The following GBF1 variants were observed in gnomAD, a reference collection of about 807,000 sequenced individuals.
GBF1 encodes Golgi-specific brefeldin A-resistance guanine nucleotide exchange factor 1.
A neutral mutation model predicts 210.5 loss-of-function variants in GBF1; 114 were observed. The ratio of observed to expected loss-of-function variants is 0.54; its 90% confidence interval spans 0.47 to 0.63. The LOEUF is 0.63. GBF1 is among the 30% of genes least tolerant of loss of function. The pLI is 0.00. For missense variants in GBF1, 1,851 were observed against 2,357.7 expected (o/e 0.79, Z 4.45); for synonymous variants, 850 against 889.2 (o/e 0.96, Z 0.78).
At chr10:102,325,563 A>G (rs886621078) in intron 3 of GBF1, among the ~76,000 whole-genome samples, 60 of 151,710 alleles carry the variant, frequency 4.0e-4, no homozygotes, top group African/African-American at 1.1e-3. Context: ...AAAAAAAAAA[A>G]AAAGAAAGAA....
intron 29 of GBF1, among the ~76,000 whole-genome samples, chr10:102,372,173 T>C (rs2060247969): frequency 6.7e-6 from 1 of 149,472 alleles, no homozygotes; most frequent in Non-Finnish European, 1.5e-5. Flanking sequence ...ATTGCGCCAC[T>C]GCACTCCAGC....
chr10:102,370,218 G>A lies in GBF1; in HGVS notation c.3384G>A (p.Gln1128=), dbSNP rs369581138. The A allele has an allele frequency of 1.9e-6, 3 of 1,612,650 alleles. No individual in the cohort carries two copies. Among genetic ancestry groups the A allele is most frequent in the Non-Finnish European group, 2.5e-6 (3 of 1,178,686 alleles). The change falls in exon 27 of 40, where the codon CAG becomes CAA. Residue 1128 remains glutamine, a synonymous_variant. Coordinates refer to ENST00000369983, the MANE Select transcript of GBF1 (RefSeq NM_001377137.1). Reference sequence around the variant, plus strand: ...TGATCACAGAAAGCAAGTTCCTCCAGCTGGAGTCACTACAGGAGCTCATGA... The same window carrying A: ...TGATCACAGAAAGCAAGTTCCTCCAACTGGAGTCACTACAGGAGCTCATGA... ...EKMITESKFL[Q]LESLQELMKA...
intron 3 of GBF1, among the ~76,000 whole-genome samples, chr10:102,266,822 G>T (rs758455713): frequency 6.6e-6 from 1 of 152,184 alleles, no homozygotes; most frequent in Non-Finnish European, 1.5e-5. Context: ...AGGTTATGGC[G>T]TGCTTGAGTT....
At position 102,368,741 on chromosome 10, in the gene GBF1, A is replaced by G; in HGVS notation, c.2882A>G (p.Lys961Arg). ...IIQKAISGFR[K>R]CAMISAHYGL... ...TGGGATGGGGGGTAACATTACAGGA[A>G]GTGCGCCATGATCTCCGCCCACTAT... Residue 961 changes from lysine to arginine, a missense_variant and splice_region_variant, in exon 23 of 40, where the codon AAG (lysine) becomes AGG (arginine). Around this residue, in one of 3 missense-constraint regions of GBF1, gnomAD observed 967 missense variants for 1,247.7 expected, o/e 0.78. Coordinates refer to ENST00000369983, the MANE Select transcript of GBF1 (RefSeq NM_001377137.1). 1 of 1,609,752 alleles carries G rather than the reference A, an allele frequency of 6.2e-7. No individual in the cohort carries two copies. Among genetic ancestry groups the G allele is most frequent in the Non-Finnish European group, 8.5e-7 (1 of 1,176,112 alleles).
At chr10:102,291,682 G>A (rs906638786) in intron 3 of GBF1, among the ~76,000 whole-genome samples, 1 of 152,148 alleles carries the variant, frequency 6.6e-6, no homozygotes, top group Non-Finnish European at 1.5e-5. Context: ...TCCTAAGTAA[G>A]AAGTGGAATT....
At chr10:102,258,502 T>G (rs1320140532) in intron 1 of GBF1, among the ~76,000 whole-genome samples, 2 of 145,304 alleles carry the variant, frequency 1.4e-5, no homozygotes, top group East Asian at 4.7e-4. Context: ...CCAGGTGCAG[T>G]GGCTCACGCC....
intron 3 of GBF1, among the ~76,000 whole-genome samples, chr10:102,260,934 A>C (rs890691143): frequency 6.6e-6 from 1 of 152,012 alleles, no homozygotes; most frequent in African/African-American, 2.4e-5. Context: ...TATTTTCCTA[A>C]TCACGGTAAC....
At chr10:102,259,380 G>A (rs1211826900) in intron 2 of GBF1, among the ~76,000 whole-genome samples, 1 of 151,946 alleles carries the variant, frequency 6.6e-6, no homozygotes, top group Non-Finnish European at 1.5e-5. Flanking sequence ...TTAAATCAGG[G>A]TAGTTATTGA....
chr10:102,358,779 T>C (rs2059430757), intron 10 of GBF1, 50 bp downstream of exon 10: 1 of 1,233,664 alleles, frequency 8.1e-7, no homozygotes, highest in Non-Finnish European at 1.2e-6. Context: ...CTGTGGGAAA[T>C]GGCTTGATCC....
intron 3 of GBF1, among the ~76,000 whole-genome samples, chr10:102,261,279 C>T (rs549445220): frequency 7.3e-5 from 11 of 150,086 alleles, no homozygotes; most frequent in Admixed American, 5.4e-4. Context: ...TATATATATA[C>T]ACACACACAC....
Position 102,369,469 on chromosome 10 carries a change from G to T in GBF1, c.3150+82G>T, listed in dbSNP as rs988394921. 6.3e-5 allele frequency: 74 copies of T among 1,177,076 alleles called. No homozygotes were observed. The African/African-American group carries it at 9.5e-4, about 15-fold the overall frequency. The allele number at this position is 1,177,076 out of a possible 1,614,324, so 72.9% of individuals were successfully genotyped here. On this transcript the variant is annotated intron_variant, in intron 24 of 39. Coordinates refer to ENST00000369983, the MANE Select transcript of GBF1 (RefSeq NM_001377137.1). Reference sequence around the variant, plus strand: ...TGCTACCTGTACATAGAAGTAAGTGGTTGAGAGTAATGTTGGGCCTGATGC... The same window carrying T: ...TGCTACCTGTACATAGAAGTAAGTGTTTGAGAGTAATGTTGGGCCTGATGC...
intron 3 of GBF1, among the ~76,000 whole-genome samples, chr10:102,310,170 T>G (rs1298117558): frequency 2.0e-5 from 3 of 152,220 alleles, no homozygotes; most frequent in Admixed American, 6.5e-5. Context: ...AAGTCTATTC[T>G]TACTGTTTGA....
At position 102,291,679 on chromosome 10, in the gene GBF1, T is replaced by G. The variant is rs190627867; in HGVS notation, c.163+31563T>G. On this transcript the variant is annotated intron_variant, in intron 3 of 39. Transcript: ENST00000369983. ...GAGACTTGATATTTGGCTTCCTAAG[T>G]AAGAAGTGGAATTCTGAACAGCGAA... is the stretch of plus-strand genomic sequence containing the variant. Among the ~76,000 whole-genome samples the G allele has an allele frequency of 2.5e-3, 385 of 152,254 alleles. 1 individual carries two copies. Among genetic ancestry groups the G allele is most frequent in the African/African-American group, 8.8e-3 (364 of 41,560 alleles).
intron 3 of GBF1, among the ~76,000 whole-genome samples, chr10:102,271,467 G>A (rs1013751231): frequency 1.3e-5 from 2 of 151,118 alleles, no homozygotes; most frequent in African/African-American, 2.4e-5. Flanking sequence ...TTACAGGTGT[G>A]AGCCACTGCA....
At position 102,381,265 on chromosome 10, in the gene GBF1, T is replaced by G; in HGVS notation, c.5302+10T>G. 6.2e-7 allele frequency: 1 copy of G among 1,613,418 alleles called. No individual in the cohort carries two copies. The highest frequency in any genetic ancestry group is 8.5e-7 in the Non-Finnish European group (1 of 1,179,848). On this transcript the variant is annotated intron_variant, in intron 39 of 39. Transcript: ENST00000369983. ...GAGCTGGGGGCCTGTGGTGAGTCTC[T>G]CTAGCCTAGCCTGATAGGCACTGAG...
At chr10:102,335,801 T>C (rs1205236965) in intron 3 of GBF1, among the ~76,000 whole-genome samples, 1 of 152,222 alleles carries the variant, frequency 6.6e-6, no homozygotes, top group African/African-American at 2.4e-5. Context: ...ATGAGTACTT[T>C]AATAATTCAT....
At chr10:102,238,111 T>C in the GBF1 span, among the ~76,000 whole-genome samples, 1,199 of 152,246 alleles carry the variant, frequency 7.9e-3, 16 homozygotes, top group African/African-American at 0.023. Flanking sequence ...TTGAAAGTTA[T>C]TCCTCTCTGT....
chr10:102,333,290 C>T (rs1255306005), intron 3 of GBF1, among the ~76,000 whole-genome samples: 1 of 152,140 alleles, frequency 6.6e-6, no homozygotes, highest in Non-Finnish European at 1.5e-5. Context: ...GGGACCTGTC[C>T]GTTGACAGTG....
At chr10:102,360,539 A>G (rs866831582) in intron 12 of GBF1, 144 bp downstream of exon 12, 5 of 625,274 alleles carry the variant, frequency 8.0e-6, no homozygotes, top group Non-Finnish European at 1.1e-5. Flanking sequence ...AGAGGGTTCC[A>G]GTAGTTCCCC....
Sources: gnomAD v4.1 joint callset for allele counts (sites outside exome capture counted in the v4.1 genomes callset) on GRCh38, gnomAD v4.1.1 for gene constraint, gnomAD v4.1.1 regional missense constraint, MANE v1.5 for transcripts, NCBI Gene and HGNC (gene_info 2026-07-23, HGNC 2026-07-21) for gene names.